Variants in LRFN2 observed in about 807,000 individuals in gnomAD.
LRFN2 encodes leucine-rich repeat and fibronectin type-III domain-containing protein 2.
A neutral mutation model predicts 37.3 loss-of-function variants in LRFN2; 18 were observed. The ratio of observed to expected loss-of-function variants is 0.48; its 90% CI spans 0.33 to 0.72. LRFN2 has a LOEUF of 0.72. Among genes scored for constraint, LRFN2 ranks in the 30% least tolerant of loss-of-function variants. The probability of loss-of-function intolerance (pLI) is 0.02; values close to 1 mark genes in which losing one functional copy is unlikely to be tolerated. For missense variants in LRFN2, 1,006 were observed against 1,060.7 expected, an observed-to-expected ratio of 0.95 and a Z score of 0.72; for synonymous variants, 556 against 466.6, an observed-to-expected ratio of 1.19 and a Z score of -2.47.
intron 1 of LRFN2, among the ~76,000 whole-genome samples, chr6:40,512,827 A>C (rs2113888845): frequency 6.6e-6 from 1 of 152,344 alleles, no homozygotes; most frequent in Non-Finnish European, 1.5e-5. Context: ...GAGCAGGAAG[A>C]AATCAACTCC....
At chr6:40,561,655 T>C (rs894396904) in intron 1 of LRFN2, among the ~76,000 whole-genome samples, 2 of 152,158 alleles carry the variant, frequency 1.3e-5, no homozygotes, top group South Asian at 2.1e-4. Flanking sequence ...TAGAGTTTGA[T>C]AGAAACTTAC....
chr6:40,431,888 C>A lies in LRFN2; in HGVS notation c.1226G>T (p.Gly409Val). 1 of 1,608,374 alleles carries A rather than the reference C, an allele frequency of 6.2e-7. No individual in the cohort carries two copies. Among genetic ancestry groups the A allele is most frequent in the Non-Finnish European group, 8.5e-7 (1 of 1,176,492 alleles). The change falls in exon 2 of 3, where the codon GGT becomes GTT. Residue 409 changes from glycine (G) to valine (V), a missense_variant. Coordinates refer to ENST00000338305, the MANE Select transcript of LRFN2 (RefSeq NM_020737.3). Reference sequence around the variant, plus strand: ...AGGCTCTCCGCCCCCACTGCCTCCACCTCCCCGGCTGGTCTTGCTGGAGCC... The same window carrying A: ...AGGCTCTCCGCCCCCACTGCCTCCAACTCCCCGGCTGGTCTTGCTGGAGCC... The part of the protein sequence containing the change: ...ITGSSKTSRG[G>V]GGSGGGEPPK...
chr6:40,561,556 G>A (rs1394209875), intron 1 of LRFN2, among the ~76,000 whole-genome samples: 1 of 152,204 alleles, frequency 6.6e-6, no homozygotes, highest in Non-Finnish European at 1.5e-5. Flanking sequence ...GCTGGCTGCT[G>A]TGGATCTTGT....
intron 1 of LRFN2, among the ~76,000 whole-genome samples, chr6:40,468,057 C>A (rs1764511886): frequency 6.6e-6 from 1 of 151,750 alleles, no homozygotes; most frequent in Non-Finnish European, 1.5e-5. Context: ...CCCTATTCAC[C>A]CAGGACGGGG....
intron 1 of LRFN2, among the ~76,000 whole-genome samples, chr6:40,463,496 G>C (rs1053994256): frequency 5.9e-5 from 9 of 152,060 alleles, no homozygotes; most frequent in Middle Eastern, 3.4e-3. Flanking sequence ...TTTGCTCCAA[G>C]GTGGTGTTTG....
At chr6:40,520,079 CA>C (rs568790404) in intron 1 of LRFN2, among the ~76,000 whole-genome samples, 1 of 152,054 alleles carries the variant, frequency 6.6e-6, no homozygotes, top group Non-Finnish European at 1.5e-5. Context: ...TAGGCAGGGC[CA>C]GGGGAAGCAG....
intron 1 of LRFN2, among the ~76,000 whole-genome samples, chr6:40,584,773 T>A (rs1258443828): frequency 6.6e-6 from 1 of 151,186 alleles, no homozygotes; most frequent in Non-Finnish European, 1.5e-5. Context: ...CCCCACAGGC[T>A]GAAGAGGCTT....
At chr6:40,466,550 C>T (rs79975547) in intron 1 of LRFN2, among the ~76,000 whole-genome samples, 4,271 of 152,116 alleles carry the variant, frequency 0.028, 106 homozygotes, top group East Asian at 0.088. Flanking sequence ...AAAGGAGAGG[C>T]CCCCACTCAA....
chr6:40,453,911 C>A (rs1027897111), intron 1 of LRFN2, among the ~76,000 whole-genome samples: 9 of 152,246 alleles, frequency 5.9e-5, no homozygotes, highest in East Asian at 1.9e-4. Flanking sequence ...ATTCAAAACA[C>A]CAGCTAGCCT....
chr6:40,392,021 C>T lies in LRFN2; in HGVS notation c.2292G>A (p.Leu764=), dbSNP rs770037133. The T allele has an allele frequency of 1.9e-6, 3 of 1,613,104 alleles. No individual in the cohort carries two copies. Among genetic ancestry groups the T allele is most frequent in the African/African-American group, 2.7e-5 (2 of 74,880 alleles). Residue 764 remains leucine, a synonymous_variant, in exon 3 of 3, where the codon TTG becomes TTA. Coordinates refer to ENST00000338305, the MANE Select transcript of LRFN2 (RefSeq NM_020737.3). This position sits in a 1 kb window ranked among gnomAD's most constrained non-coding sequence, Gnocchi z 4.7. The part of the protein sequence containing the change: ...KRSLSVNGML[L]PFEESDLVGA... ...CCACCAGGTCACTCTCCTCAAAGGG[C>T]AAGAGCATGCCGTTGACAGAGAGGC...
intron 2 of LRFN2, among the ~76,000 whole-genome samples, chr6:40,409,176 G>T (rs115561255): frequency 5.9e-5 from 9 of 152,336 alleles, no homozygotes; most frequent in Non-Finnish European, 1.2e-4. Flanking sequence ...GAAGCCCTCA[G>T]TCATTTCATG....
rs575263289 is a variant in LRFN2 at position 40,446,870 on chromosome 6, T to C, written c.-18-13739A>G. The stretch of plus-strand genomic sequence containing the variant: ...GGCTCCCTGATGATGGGGCTGTGTC[T>C]CCCTCAGACTGGGGCTTCCTGAGGA... On this transcript the variant is annotated intron_variant, in intron 1 of 2. Transcript: ENST00000338305. 4.8e-4 allele frequency among the ~76,000 whole-genome samples: 15 copies of C among 31,076 alleles called. No homozygotes were observed. The East Asian group carries it at 0.012, about 25-fold the overall frequency. 20.4% of individuals were successfully genotyped at this position (31,076 alleles called of 152,430 possible).
chr6:40,440,833 C>T (rs1229841703), intron 1 of LRFN2, among the ~76,000 whole-genome samples: 2 of 152,172 alleles, frequency 1.3e-5, no homozygotes, highest in African/African-American at 2.4e-5. Context: ...CCTTCCTTTG[C>T]CCATCTCATT....
intron 1 of LRFN2, among the ~76,000 whole-genome samples, chr6:40,472,997 T>A (rs957550526): frequency 1.3e-5 from 2 of 152,054 alleles, no homozygotes; most frequent in African/African-American, 4.8e-5. Context: ...ATGGGTCTCA[T>A]TGGGCGAGAT....
intron 1 of LRFN2, among the ~76,000 whole-genome samples, chr6:40,478,322 G>A (rs1764752522): frequency 6.6e-6 from 1 of 152,160 alleles, no homozygotes; most frequent in African/African-American, 2.4e-5. Flanking sequence ...GACAAAAAGT[G>A]CTAATAATAT....
intron 1 of LRFN2, among the ~76,000 whole-genome samples, chr6:40,571,858 G>A (rs1767193827): frequency 6.6e-6 from 1 of 152,204 alleles, no homozygotes. Flanking sequence ...CAGACTCCCA[G>A]CCTGGTGCTG....
intron 1 of LRFN2, among the ~76,000 whole-genome samples, chr6:40,521,089 A>T (rs1260510436): frequency 6.6e-6 from 1 of 152,172 alleles, no homozygotes; most frequent in Non-Finnish European, 1.5e-5. Flanking sequence ...CTAGAGTCAG[A>T]GAGGACTGTG....
intron 1 of LRFN2, among the ~76,000 whole-genome samples, chr6:40,563,582 G>A (rs1767039044): frequency 6.6e-6 from 1 of 152,140 alleles, no homozygotes; most frequent in Non-Finnish European, 1.5e-5. Context: ...TTCAGCTGAG[G>A]CGAAGGTAGA....
chr6:40,566,415 C>A (rs1301862929), intron 1 of LRFN2, among the ~76,000 whole-genome samples: 1 of 152,218 alleles, frequency 6.6e-6, no homozygotes, highest in African/African-American at 2.4e-5. Flanking sequence ...AATCATGCTG[C>A]TTTAAAGACA....
Sources: allele counts gnomAD v4.1 joint callset (sites outside exome capture counted in the v4.1 genomes callset), GRCh38; gene constraint gnomAD v4.1.1; non-coding constraint Gnocchi (gnomAD v3.1); transcripts MANE v1.5; gene names NCBI Gene and HGNC (gene_info 2026-07-23, HGNC 2026-07-21).